The following STAR variants were observed in gnomAD, a reference collection of about 807,000 sequenced individuals.
The protein encoded by STAR is steroidogenic acute regulatory protein, also known as steroidogenic acute regulatory protein, mitochondrial.
Under a neutral mutation model 32.3 loss-of-function variants are expected in STAR, and 32 were observed. The observed-to-expected ratio is 0.99, with a 90% confidence interval of 0.75 to 1.33. STAR has a LOEUF of 1.33. Among genes scored for constraint, STAR ranks in the 40% most tolerant of loss-of-function variants. STAR has a pLI of 0.00. For synonymous variants in STAR, 134 were observed against 140.5 expected, an observed-to-expected ratio of 0.95 and a Z score of 0.33; for missense variants, 375 against 379.0, an observed-to-expected ratio of 0.99 and a Z score of 0.09.
At position 38,144,174 on chromosome 8, in the gene STAR, C is replaced by T; in HGVS notation, c.*99G>A. On this transcript the variant is annotated 3_prime_UTR_variant, in exon 7 of 7. Transcript: ENST00000276449. ...CGAACCCCACCCATCCCACTGTCACCAGATGGAGATCTTAGACTTGCAGGC... is the reference window on the plus strand; with the variant it reads ...CGAACCCCACCCATCCCACTGTCACTAGATGGAGATCTTAGACTTGCAGGC... The T allele has an allele frequency of 2.4e-6, 3 of 1,264,898 alleles. No individual in the cohort carries two copies. The highest frequency in any genetic ancestry group is 3.3e-6 in the Non-Finnish European group (3 of 897,486). The allele number at this position is 1,264,898 out of a possible 1,614,324, so 78.4% of individuals were successfully genotyped here. A position where few individuals can be genotyped will look rare whatever the true frequency, so the allele number is the denominator to read the frequency against.
In STAR at chr8:38,142,792, A is replaced by G. The variant is rs1206965321; in HGVS notation, c.*1481T>C. ...TGCCTTGGCCTCCCAAAGTGCTGAG[A>G]TTACAGGCGGGAGCCACCTCACATA... On this transcript the variant is annotated 3_prime_UTR_variant, in exon 7 of 7. Transcript: ENST00000276449. 6.6e-6 allele frequency among the ~76,000 whole-genome samples: 1 copy of G among 152,048 alleles called. No individual in the cohort carries two copies. The highest frequency in any genetic ancestry group is 6.5e-5 in the Admixed American group (1 of 15,272).
rs924249325 is a variant in STAR at position 38,150,426 on chromosome 8, AAAG to A, written c.64+326_64+328del. Among the ~76,000 whole-genome samples the A allele has an allele frequency of 9.2e-5, 14 of 151,778 alleles. 1 individual carries two copies. Among genetic ancestry groups the A allele is most frequent in the Non-Finnish European group, 1.5e-5 (1 of 67,948 alleles). ...AAAAAAAAGAAAAGGCGGAAGAAAA[AAAG>A]AACGAATGAAGGAAAAGGGGAAGGA... On this transcript the variant is annotated intron_variant, in intron 1 of 6. Coordinates refer to ENST00000276449, the MANE Select transcript of STAR (RefSeq NM_000349.3).
chr8:38,144,193 T>TG lies in STAR; in HGVS notation c.*79dup, dbSNP rs1802518887. ...TGTCACCAGATGGAGATCTTAGACT[T>TG]GCAGGCTTCCAGTAGGGATTCTCCT... is the stretch of plus-strand genomic sequence containing the variant. On this transcript the variant is annotated 3_prime_UTR_variant, in exon 7 of 7. Coordinates refer to ENST00000276449, the MANE Select transcript of STAR (RefSeq NM_000349.3). The TG allele has an allele frequency of 7.1e-7, 1 of 1,408,862 alleles. No homozygotes were observed. Among genetic ancestry groups the TG allele is most frequent in the Admixed American group, 2.0e-5 (1 of 50,850 alleles). The allele number at this position is 1,408,862 out of a possible 1,614,324, so 87.3% of individuals were successfully genotyped here. A position where few individuals can be genotyped will look rare whatever the true frequency, so the allele number is the denominator to read the frequency against.
At chr8:38,146,887 C>T (rs1454665457) in intron 3 of STAR, among the ~76,000 whole-genome samples, 1 of 151,878 alleles carries the variant, frequency 6.6e-6, no homozygotes, top group African/African-American at 2.4e-5. Flanking sequence ...AAGCCTGGAA[C>T]TGTCCTAAGA....
At chr8:38,149,282 C>G (rs886362933) in intron 1 of STAR, among the ~76,000 whole-genome samples, 1 of 152,148 alleles carries the variant, frequency 6.6e-6, no homozygotes, top group Non-Finnish European at 1.5e-5. Flanking sequence ...CTAGTGAGGA[C>G]GACAACACCA....
At position 38,146,344 on chromosome 8, in the gene STAR, A is replaced by G; in HGVS notation, c.410T>C (p.Leu137Pro). ...CCCCATTGCTTCCATGCGCTCCACG[A>G]GCTCTTCATAGAGCCTCTCCATGGG... ...DQPMERLYEE[L>P]VERMEAMGEW... The change falls in exon 4 of 7, where the codon CTC becomes CCC. Residue 137 changes from leucine (L) to proline (P), a missense_variant. Coordinates refer to ENST00000276449, the MANE Select transcript of STAR (RefSeq NM_000349.3). 6.2e-7 allele frequency: 1 copy of G among 1,613,948 alleles called. No homozygotes were observed. The highest frequency in any genetic ancestry group is 8.5e-7 in the Non-Finnish European group (1 of 1,179,968).
rs775578755 is a variant in STAR at position 38,145,987 on chromosome 8, A to G, written c.626T>C (p.Met209Thr). The G allele has an allele frequency of 1.2e-6, 2 of 1,614,136 alleles. No homozygotes were observed. The highest frequency in any genetic ancestry group is 2.2e-5 in the South Asian group (2 of 91,078). ...CCTGATGACACCCTTCTGCTCAGGC[A>G]TGTTCCCGAAGTCTGTGGCCATGCC... The part of the protein sequence containing the change: ...LAGMATDFGN[M>T]PEQKGVIRAE... The change falls in exon 5 of 7, where the codon ATG becomes ACG. Residue 209 changes from methionine to threonine, a missense_variant. Met to Thr is a moderately conservative substitution (Grantham distance 81, BLOSUM62 -1). Coordinates refer to ENST00000276449, the MANE Select transcript of STAR (RefSeq NM_000349.3).
intron 1 of STAR, 57 bp downstream of exon 1, chr8:38,150,698 A>G: frequency 1.2e-6 from 2 of 1,602,200 alleles, no homozygotes; most frequent in South Asian, 2.2e-5. Flanking sequence ...GGGTGGCCTG[A>G]GCCTCATCCG....
intron 3 of STAR, 79 bp from the exon 4 acceptor site, chr8:38,146,526 C>G: frequency 6.5e-7 from 1 of 1,535,360 alleles, no homozygotes; most frequent in African/African-American, 1.4e-5. Flanking sequence ...GCCTATAATC[C>G]CAGCACTTTG....
chr8:38,145,421 T>C, intron 5 of STAR, 106 bp from the exon 6 acceptor site: 3 of 1,492,492 alleles, frequency 2.0e-6, no homozygotes, highest in South Asian at 1.2e-5. Context: ...ACCTTGTCTT[T>C]TCTGAGTCTC....
At position 38,145,233 on chromosome 8, in the gene STAR, T is replaced by C. The variant is rs1802546441; in HGVS notation, c.733A>G (p.Ile245Val). 1.1e-5 allele frequency: 18 copies of C among 1,614,094 alleles called. No homozygotes were observed. In the East Asian group the frequency reaches 4.0e-4, roughly 36 times the overall value. ...CCCATGCCCTTCACCTTGAGGTCGA[T>C]GCTGAGTAGCCACGTAAGTTTGGTC... Reference protein sequence around the residue: ...SKTKLTWLLSIDLKGWLPKSI... With the variant: ...SKTKLTWLLSVDLKGWLPKSI... Residue 245 changes from isoleucine (I) to valine (V), a missense_variant, in exon 6 of 7, where the codon ATC (isoleucine) becomes GTC (valine). Transcript: ENST00000276449.
intron 1 of STAR, among the ~76,000 whole-genome samples, chr8:38,149,867 A>C (rs1490080877): frequency 6.6e-6 from 1 of 152,214 alleles, no homozygotes; most frequent in Non-Finnish European, 1.5e-5. Context: ...GCCATGGCTC[A>C]TGCCTATAAT....
chr8:38,144,574 C>A (rs903100928), intron 6 of STAR, 188 bp from the exon 7 acceptor site: 2 of 1,433,596 alleles, frequency 1.4e-6, no homozygotes, highest in African/African-American at 1.4e-5. Flanking sequence ...TTCAGAAGCA[C>A]AAGACTGGCC....
In STAR at chr8:38,145,314, C is replaced by T; in HGVS notation, c.652G>A (p.Ala218Thr). The T allele has an allele frequency of 6.2e-7, 1 of 1,614,138 alleles. No homozygotes were observed. The highest frequency in any genetic ancestry group is 8.5e-7 in the Non-Finnish European group (1 of 1,180,042). The change falls in exon 6 of 7, where the codon GCG (alanine) becomes ACG (threonine). Residue 218 changes from alanine to threonine, a missense_variant and splice_region_variant. Coordinates refer to ENST00000276449, the MANE Select transcript of STAR (RefSeq NM_000349.3). ...NMPEQKGVIR[A>T]EHGPTCMVLH... is the part of the protein sequence containing the mutation. Reference sequence around the variant, plus strand: ...ACCATGCAAGTGGGACCGTGCTCCGCCCTGGCAAATGGAGAAGTCAAGTCA... The same window carrying T: ...ACCATGCAAGTGGGACCGTGCTCCGTCCTGGCAAATGGAGAAGTCAAGTCA...
intron 4 of STAR, 38 bp downstream of exon 4, chr8:38,146,251 T>C: frequency 1.9e-6 from 3 of 1,613,886 alleles, no homozygotes; most frequent in Non-Finnish European, 1.7e-6. Context: ...CACTGGGCTC[T>C]CCTGGGCCCC....
At chr8:38,148,097 A>T (rs2130616505) in intron 3 of STAR, 103 bp downstream of exon 3, 5 of 1,509,476 alleles carry the variant, frequency 3.3e-6, no homozygotes, top group Non-Finnish European at 4.5e-6. Context: ...CTACCCAGTG[A>T]CTGCTGCATG....
chr8:38,148,551 CAGG>C, intron 2 of STAR, 87 bp downstream of exon 2: 4 of 1,395,616 alleles, frequency 2.9e-6, no homozygotes, highest in Non-Finnish European at 4.0e-6. Flanking sequence ...GAAGGAATGG[CAGG>C]AGGGGAGCCA....
At position 38,145,956 on chromosome 8, in the gene STAR, G is replaced by T. The variant is rs566068182; in HGVS notation, c.650+7C>A. The T allele has an allele frequency of 3.1e-6, 5 of 1,613,442 alleles. No individual in the cohort carries two copies. The African/African-American group carries it at 4.0e-5, about 13-fold the overall frequency. On this transcript the variant is annotated splice_region_variant and intron_variant, in intron 5 of 6. Transcript: ENST00000276449. The stretch of plus-strand genomic sequence containing the variant: ...GAGGGGGGTTTGGAGCCTGCTGCCC[G>T]TATTACCTGATGACACCCTTCTGCT...
intron 6 of STAR, chr8:38,144,822 A>G (rs1802533642): frequency 3.6e-6 from 2 of 552,596 alleles, no homozygotes; most frequent in South Asian, 2.1e-5. Flanking sequence ...CAGCCTGGCC[A>G]CCATAGTGAA....
Sources: allele counts gnomAD v4.1 joint callset (sites outside exome capture counted in the v4.1 genomes callset), GRCh38; gene constraint gnomAD v4.1.1; transcripts MANE v1.5; gene names NCBI Gene and HGNC (gene_info 2026-07-23, HGNC 2026-07-21).